The following CEACAM19 variants were observed in gnomAD, a reference collection of about 807,000 sequenced individuals.
The protein encoded by CEACAM19 is cell adhesion molecule CEACAM19.
CEACAM19 carries 37 observed loss-of-function variants against 37.6 expected under a neutral mutation model. The observed-to-expected ratio is 0.98, with a 90% CI of 0.76 to 1.29. The LOEUF is 1.29. CEACAM19 is among the 50% of genes most tolerant of loss of function. The pLI, the probability that CEACAM19 is intolerant of heterozygous loss-of-function variation, is 0.00. For synonymous variants in CEACAM19, 140 were observed against 149.8 expected, an observed-to-expected ratio of 0.93 and a Z score of 0.48; for missense variants, 340 against 375.6, an observed-to-expected ratio of 0.91 and a Z score of 0.78.
chr19:44,672,932 C>T lies in CEACAM19; in HGVS notation c.392C>T (p.Thr131Ile), dbSNP rs759536789. 17 of 1,513,448 alleles carry T rather than the reference C, an allele frequency of 1.1e-5. 1 individual carries two copies. The South Asian group carries it at 2.1e-4, about 19-fold the overall frequency. The allele number at this position is 1,513,448 out of a possible 1,614,324, so 93.8% of individuals were successfully genotyped here. A position where few individuals can be genotyped will look rare whatever the true frequency, so the allele number is the denominator to read the frequency against. ...QVAITINSEW[T>I]MKAKTEVQVA... The stretch of plus-strand genomic sequence containing the variant: ...GCCATTACCATCAACTCTGAATGGA[C>T]TATGAAGGCCAAGACTGAGGTCCAG... Residue 131 changes from threonine to isoleucine, a missense_variant, in exon 2 of 8, where the codon ACT becomes ATT. Transcript: ENST00000358777.
At chr19:44,679,061 T>G in intron 4 of CEACAM19, 125 bp downstream of exon 4, 1 of 1,372,802 alleles carries the variant, frequency 7.3e-7, no homozygotes, top group Non-Finnish European at 9.8e-7. Flanking sequence ...GGTGCGATCG[T>G]AGCTCACCGT....
Position 44,683,653 on chromosome 19 carries a change from G to T in CEACAM19, c.*163G>T. 1 of 460,428 alleles carries T rather than the reference G, an allele frequency of 2.2e-6. No homozygotes were observed. The highest frequency in any genetic ancestry group is 3.9e-6 in the Non-Finnish European group (1 of 255,944). 28.5% of individuals were successfully genotyped at this position (460,428 alleles called of 1,614,324 possible). ...ACATGGGGCAGGTGTCCTGGCAGGGGGACAGGAGACTGTAACAGGCCCAGG... is the reference window on the plus strand; with the variant it reads ...ACATGGGGCAGGTGTCCTGGCAGGGTGACAGGAGACTGTAACAGGCCCAGG... On this transcript the variant is annotated 3_prime_UTR_variant, in exon 8 of 8. Coordinates refer to ENST00000358777, the MANE Select transcript of CEACAM19 (RefSeq NM_001127893.3).
chr19:44,681,598 G>A (rs1427666597), intron 6 of CEACAM19, among the ~76,000 whole-genome samples: 1 of 152,060 alleles, frequency 6.6e-6, no homozygotes, highest in Non-Finnish European at 1.5e-5. Flanking sequence ...CTTTATAATG[G>A]GGAGGTTTTA....
rs1165350114 is a variant in CEACAM19, at chr19:44,683,322, T to C, written c.847-115T>C. On this transcript the variant is annotated intron_variant, in intron 7 of 7. Transcript: ENST00000358777. ...CTCTTTCCACCTTGCTCTTCCATTC[T>C]CTCTGCGGGTTTCTCTCCATCTCAC... is the stretch of plus-strand genomic sequence containing the variant. The C allele has an allele frequency of 9.8e-6, 5 of 508,296 alleles. No homozygotes were observed. In the East Asian group the frequency reaches 1.3e-4, roughly 13 times the overall value. The allele number at this position is 508,296 out of a possible 1,614,324, so 31.5% of individuals were successfully genotyped here. A position where few individuals can be genotyped will look rare whatever the true frequency, so the allele number is the denominator to read the frequency against.
chr19:44,670,064 G>A (rs547250697), upstream of CEACAM19, among the ~76,000 whole-genome samples: 776 of 152,292 alleles, frequency 5.1e-3, 14 homozygotes, highest in Non-Finnish European at 4.3e-3. Context: ...AGTCACATCT[G>A]TAATCCCAGT....
intron 6 of CEACAM19, among the ~76,000 whole-genome samples, chr19:44,682,108 G>C (rs1294398875): frequency 2.0e-5 from 3 of 152,002 alleles, no homozygotes; most frequent in African/African-American, 7.2e-5. Flanking sequence ...AATTTAGCTA[G>C]GCATGGTGGT....
intron 2 of CEACAM19, 55 bp from the exon 3 acceptor site, chr19:44,676,216 C>T (rs1973945443): frequency 5.1e-6 from 8 of 1,560,750 alleles, no homozygotes; most frequent in Admixed American, 1.7e-5. Context: ...ACTGGGGGAG[C>T]CCTCAGGAGA....
Position 44,678,895 on chromosome 19 carries a change from C to T in CEACAM19, c.618C>T (p.Cys206=). The change falls in exon 4 of 8, where the codon TGC becomes TGT. Residue 206 remains cysteine, a synonymous_variant. Transcript: ENST00000358777. ...GCCAGGGATCTCTGTCCATCTTGTG[C>T]TCGGCTGTATCCCCAGTGCCTTCAG... ...PRGQGSLSIL[C]SAVSPVPSVT... is the part of the protein sequence containing the mutation. The T allele has an allele frequency of 6.2e-7, 1 of 1,614,040 alleles. No homozygotes were observed.
intron 6 of CEACAM19, 52 bp downstream of exon 6, chr19:44,681,364 C>G (rs576501327): frequency 1.6e-6 from 2 of 1,243,448 alleles, no homozygotes; most frequent in South Asian, 2.5e-5. Context: ...CAGGCGCCTC[C>G]TCTCTGAGCT....
At chr19:44,669,379 C>T (rs779919614), upstream of CEACAM19, among the ~76,000 whole-genome samples, 13 of 152,110 alleles carry the variant, frequency 8.5e-5, no homozygotes, top group Non-Finnish European at 1.9e-4. Flanking sequence ...CCACCTCAGC[C>T]TCTCAGAGGG....
chr19:44,680,615 C>T (rs974488511), intron 5 of CEACAM19, among the ~76,000 whole-genome samples: 2 of 152,062 alleles, frequency 1.3e-5, no homozygotes, highest in Non-Finnish European at 2.9e-5. Context: ...CCTAGACCCC[C>T]CACACCCAGC....
Position 44,674,043 on chromosome 19 carries a change from C to T in CEACAM19, c.424+1079C>T, listed in dbSNP as rs1319454543. Among the ~76,000 whole-genome samples the T allele has an allele frequency of 3.3e-5, 5 of 152,180 alleles. No individual in the cohort carries two copies. The East Asian group carries it at 7.7e-4, about 24-fold the overall frequency. On this transcript the variant is annotated intron_variant, in intron 2 of 7. Transcript: ENST00000358777. ...GGTGGATCACCTGAGGTCAGGAGTT[C>T]GAGATCACCCTGGCCAACATGGTAA...
At chr19:44,668,289 ATATT>A (rs1296003257), upstream of CEACAM19, among the ~76,000 whole-genome samples, 2 of 79,706 alleles carry the variant, frequency 2.5e-5, no homozygotes, top group Non-Finnish European at 4.1e-5. Context: ...ATATATTATT[ATATT>A]TATATAATAT....
chr19:44,675,007 A>G (rs1027721169), intron 2 of CEACAM19, among the ~76,000 whole-genome samples: 3 of 151,988 alleles, frequency 2.0e-5, no homozygotes, highest in Admixed American at 1.3e-4. Context: ...GTGAGCCATC[A>G]AGCAAGTCAA....
intron 2 of CEACAM19, among the ~76,000 whole-genome samples, chr19:44,674,167 G>T (rs1287041617): frequency 6.6e-6 from 1 of 151,692 alleles, no homozygotes; most frequent in East Asian, 1.9e-4. Context: ...TTGAACCCAG[G>T]AGGCAGAGGT....
At chr19:44,676,235 A>C (rs1245692720) in intron 2 of CEACAM19, 36 bp from the exon 3 acceptor site, 4 of 1,607,016 alleles carry the variant, frequency 2.5e-6, no homozygotes, top group Non-Finnish European at 3.4e-6. Flanking sequence ...GACATCGCAC[A>C]GTCCCCCCTC....
chr19:44,678,567 C>T lies in CEACAM19; in HGVS notation c.576-286C>T, dbSNP rs563420466. The T allele has an allele frequency of 1.3e-5, 3 of 230,152 alleles. 1 individual carries two copies. Among genetic ancestry groups the T allele is most frequent in the South Asian group, 1.1e-4 (1 of 9,466 alleles). The allele number at this position is 230,152 out of a possible 1,614,324, so 14.3% of individuals were successfully genotyped here. On this transcript the variant is annotated intron_variant, in intron 3 of 7. Coordinates refer to ENST00000358777, the MANE Select transcript of CEACAM19 (RefSeq NM_001127893.3). ...CTGGAATTACAGGCACCCACCACCT[C>T]GCCTGGCTAATTTTTGTATTTTTAG... is the stretch of plus-strand genomic sequence containing the variant.
Position 44,681,290 on chromosome 19 carries a change from C to A in CEACAM19, c.770C>A (p.Thr257Lys). Residue 257 changes from threonine to lysine, a missense_variant, in exon 6 of 8, where the codon ACA becomes AAA. Transcript: ENST00000358777. ...CTCCTGGTGTCCCCCATCAGTGACA[C>A]AAGGTCCATAAACCCAGCCCGGGTG... is the stretch of plus-strand genomic sequence containing the variant. ...PVLLVSPISD[T>K]RSINPARPLP... 6.2e-7 allele frequency: 1 copy of A among 1,614,022 alleles called. No homozygotes were observed. Among genetic ancestry groups the A allele is most frequent in the Non-Finnish European group, 8.5e-7 (1 of 1,179,944 alleles).
At chr19:44,679,078 G>A (rs764782873) in intron 4 of CEACAM19, 142 bp downstream of exon 4, 64 of 1,275,762 alleles carry the variant, frequency 5.0e-5, no homozygotes, top group East Asian at 8.3e-5. Flanking sequence ...CCGTAGCCTC[G>A]ACCTCCCTGG....
Sources: gnomAD v4.1 joint callset for allele counts (sites outside exome capture counted in the v4.1 genomes callset) on GRCh38, gnomAD v4.1.1 for gene constraint, MANE v1.5 for transcripts, NCBI Gene and HGNC (gene_info 2026-07-23, HGNC 2026-07-21) for gene names.